Variants in RNF128 observed in about 807,000 individuals in gnomAD.
The protein encoded by RNF128 is E3 ubiquitin-protein ligase RNF128.
RNF128 carries 13 observed loss-of-function variants against 26.2 expected under a neutral mutation model. That is an observed-to-expected ratio of 0.50 (90% CI 0.32 to 0.79). The LOEUF (loss-of-function observed/expected upper bound fraction) is 0.79. Among genes scored for constraint, RNF128 ranks in the 30% least tolerant of loss-of-function variants. RNF128 has a pLI of 0.03. For missense variants in RNF128, 315 were observed against 349.7 expected (o/e 0.90, Z 0.79); for synonymous variants, 149 against 142.5 (o/e 1.05, Z -0.32).
chrX:106,746,268 A>G (rs1199986299), intron 1 of RNF128, among the ~76,000 whole-genome samples: 1 of 111,098 alleles, frequency 9.0e-6, no homozygotes, highest in Non-Finnish European at 1.9e-5. Context: ...GAGATACTAG[A>G]ACAGCTTCCT....
chrX:106,736,515 A>ACTT (rs1929599979), intron 1 of RNF128, among the ~76,000 whole-genome samples: 1 of 110,942 alleles, frequency 9.0e-6, no homozygotes, highest in South Asian at 3.8e-4. Context: ...ATGTGATTCC[A>ACTT]CTTCTTTTGA....
intron 1 of RNF128, among the ~76,000 whole-genome samples, chrX:106,734,544 C>T (rs1450607580): frequency 9.0e-6 from 1 of 111,153 alleles, no homozygotes; most frequent in Non-Finnish European, 1.9e-5. Flanking sequence ...GGTGTTTACC[C>T]CAAAGTTTAT....
At chrX:106,698,553 A>C (rs1157399333) in intron 1 of RNF128, among the ~76,000 whole-genome samples, 3 of 111,941 alleles carry the variant, frequency 2.7e-5, no homozygotes, top group African/African-American at 9.7e-5. Flanking sequence ...ATATGTACAT[A>C]AAGAAGAGCT....
At chrX:106,789,341 T>C (rs1158766452) in intron 4 of RNF128, among the ~76,000 whole-genome samples, 1 of 97,426 alleles carries the variant, frequency 1.0e-5, no homozygotes, top group Non-Finnish European at 2.0e-5. Flanking sequence ...TATTTATGTG[T>C]ATTTATATTA....
At chrX:106,768,397 G>A (rs1243471866) in intron 1 of RNF128, among the ~76,000 whole-genome samples, 3 of 111,557 alleles carry the variant, frequency 2.7e-5, no homozygotes, top group Admixed American at 9.5e-5. Flanking sequence ...TTCAGAGGCT[G>A]TTATTGGTCT....
At position 106,743,551 on chromosome X, in the gene RNF128, A is replaced by G. The variant is rs180794507; in HGVS notation, c.484+16154A>G. On this transcript the variant is annotated intron_variant, in intron 1 of 6. Transcript: ENST00000255499. ...ATGGATTTTCATTTAACCAAGTAGA[A>G]AGAATTCATTGATATTGTTTCAAAT... Among the ~76,000 whole-genome samples, 94 of 112,503 alleles carry G rather than the reference A, an allele frequency of 8.4e-4. 1 individual carries two copies. Among genetic ancestry groups the G allele is most frequent in the Non-Finnish European group, 1.6e-3 (87 of 53,262 alleles).
chrX:106,736,251 A>G (rs917872436), intron 1 of RNF128, among the ~76,000 whole-genome samples: 4 of 111,751 alleles, frequency 3.6e-5, no homozygotes, highest in Non-Finnish European at 7.5e-5. Context: ...CTTGTTTTTA[A>G]AATGAGCATT....
At chrX:106,765,882 C>T (rs368178339) in intron 1 of RNF128, among the ~76,000 whole-genome samples, 7 of 98,965 alleles carry the variant, frequency 7.1e-5, no homozygotes, top group African/African-American at 1.1e-4. Context: ...CCCCACCCCA[C>T]GACAGGCTCC....
intron 1 of RNF128, among the ~76,000 whole-genome samples, chrX:106,699,982 A>C (rs1603076930): frequency 9.1e-6 from 1 of 110,124 alleles, no homozygotes; most frequent in East Asian, 2.8e-4. Context: ...AATTTATTTT[A>C]ATGTATATTT....
At chrX:106,715,239 A>G (rs1296310520) in intron 1 of RNF128, among the ~76,000 whole-genome samples, 2 of 111,805 alleles carry the variant, frequency 1.8e-5, no homozygotes, top group Non-Finnish European at 3.8e-5. Context: ...AATTTTAGCC[A>G]TTCTGGTAGG....
chrX:106,733,439 C>G (rs1056994816), intron 1 of RNF128, among the ~76,000 whole-genome samples: 2 of 111,488 alleles, frequency 1.8e-5, no homozygotes, highest in Admixed American at 1.9e-4. Flanking sequence ...AAGTAATTTT[C>G]TGATTATAAA....
intron 1 of RNF128, among the ~76,000 whole-genome samples, chrX:106,704,596 G>A (rs1929017542): frequency 9.0e-6 from 1 of 110,977 alleles, no homozygotes. Flanking sequence ...ACGGGTTTTG[G>A]TTGAGTCAGG....
chrX:106,788,435 A>T (rs1930720677), intron 4 of RNF128, among the ~76,000 whole-genome samples: 1 of 46,056 alleles, frequency 2.2e-5, no homozygotes, highest in Non-Finnish European at 3.5e-5. Context: ...ATTATATATA[A>T]TATTATTATA....
At chrX:106,766,871 C>T (rs1400941871) in intron 1 of RNF128, among the ~76,000 whole-genome samples, 1 of 111,516 alleles carries the variant, frequency 9.0e-6, no homozygotes, top group Non-Finnish European at 1.9e-5. Flanking sequence ...GGTCTTTAAT[C>T]CATCTTGAGT....
intron 1 of RNF128, among the ~76,000 whole-genome samples, chrX:106,715,876 C>T (rs1465730259): frequency 1.8e-5 from 2 of 111,297 alleles, no homozygotes; most frequent in Non-Finnish European, 3.8e-5. Flanking sequence ...CTCTTCTCCT[C>T]ATAAAAGAGA....
At chrX:106,789,101 A>G (rs1212816469) in intron 4 of RNF128, among the ~76,000 whole-genome samples, 17 of 85,785 alleles carry the variant, frequency 2.0e-4, no homozygotes, top group Non-Finnish European at 3.7e-4. Context: ...TAGTATATAT[A>G]TACTATATAC....
At chrX:106,795,239 C>A (rs775485265) in intron 6 of RNF128, among the ~76,000 whole-genome samples, 11 of 110,761 alleles carry the variant, frequency 9.9e-5, no homozygotes, top group Non-Finnish European at 1.9e-4. Context: ...TTTAAGTGCC[C>A]AGGTGATTGA....
At chrX:106,703,138 C>T (rs1251541871) in intron 1 of RNF128, among the ~76,000 whole-genome samples, 1 of 111,655 alleles carries the variant, frequency 9.0e-6, no homozygotes, top group Non-Finnish European at 1.9e-5. Context: ...ACATCTCCCC[C>T]GTGGAAAGAA....
At chrX:106,699,475 C>T (rs1266962877) in intron 1 of RNF128, among the ~76,000 whole-genome samples, 1 of 111,625 alleles carries the variant, frequency 9.0e-6, no homozygotes, top group African/African-American at 3.3e-5. Context: ...TCTACTACCA[C>T]TAGTCTAGTA....
Sources: gnomAD v4.1 joint callset for allele counts (sites outside exome capture counted in the v4.1 genomes callset) on GRCh38, gnomAD v4.1.1 for gene constraint, MANE v1.5 for transcripts, NCBI Gene and HGNC (gene_info 2026-07-23, HGNC 2026-07-21) for gene names.